Variants in CABP5 observed in about 807,000 individuals in gnomAD.
CABP5 encodes calcium-binding protein 5.
A neutral mutation model predicts 21.9 loss-of-function variants in CABP5; 17 were observed. The ratio of observed to expected loss-of-function variants is 0.78; its 90% confidence interval spans 0.53 to 1.17. CABP5 has a LOEUF of 1.17. Ranked by LOEUF, CABP5 falls within the 50% of genes most tolerant of loss-of-function variation. CABP5 has a pLI of 0.00. For missense variants in CABP5, 229 were observed against 228.9 expected (o/e 1.00, Z 0.00); for synonymous variants, 85 against 79.4 (o/e 1.07, Z -0.37).
At position 48,044,037 on chromosome 19, in the gene CABP5, G is replaced by C; in HGVS notation, c.-115C>G. 1.2e-6 allele frequency: 1 copy of C among 834,034 alleles called. No homozygotes were observed. 51.7% of individuals were successfully genotyped at this position (834,034 alleles called of 1,614,324 possible). A position where few individuals can be genotyped will look rare whatever the true frequency, so the allele number is the denominator to read the frequency against. On this transcript the variant is annotated 5_prime_UTR_variant, in exon 1 of 6. Coordinates refer to ENST00000293255, the MANE Select transcript of CABP5 (RefSeq NM_019855.5). The stretch of plus-strand genomic sequence containing the variant: ...CAGCACTCCTTTGCCACCTCTTCCT[G>C]CCTCTCTTGGCTTCTCCTTCGGTCC...
chr19:48,041,715 C>T lies in CABP5; in HGVS notation c.64-112G>A. 3.3e-6 allele frequency: 3 copies of T among 909,302 alleles called. No homozygotes were observed. The East Asian group carries it at 8.3e-5, about 25-fold the overall frequency. The allele number at this position is 909,302 out of a possible 1,614,324, so 56.3% of individuals were successfully genotyped here. A position where few individuals can be genotyped will look rare whatever the true frequency, so the allele number is the denominator to read the frequency against. On this transcript the variant is annotated intron_variant, in intron 1 of 5. Transcript: ENST00000293255. ...ACGCTCTCGTGGTTCTCTTTCCATT[C>T]TCTCTCTCCTCCTCCATCCCTCCCA...
At chr19:48,031,132 T>G (rs116267276) in intron 5 of CABP5, among the ~76,000 whole-genome samples, 28 of 152,192 alleles carry the variant, frequency 1.8e-4, no homozygotes, top group Non-Finnish European at 8.8e-5. Flanking sequence ...TAATCTTGCA[T>G]GTAAATAAAA....
intron 1 of CABP5, among the ~76,000 whole-genome samples, chr19:48,042,151 C>G (rs1967489391): frequency 6.6e-6 from 1 of 152,110 alleles, no homozygotes; most frequent in Non-Finnish European, 1.5e-5. Context: ...TCACCTGCTC[C>G]CTGGAGGTCA....
chr19:48,035,089 C>T (rs984175763), intron 4 of CABP5, among the ~76,000 whole-genome samples: 8 of 152,168 alleles, frequency 5.3e-5, no homozygotes, highest in African/African-American at 1.7e-4. Flanking sequence ...CTAACCAAAA[C>T]TTTGTACCCT....
intron 4 of CABP5, among the ~76,000 whole-genome samples, chr19:48,035,519 C>T (rs1203224745): frequency 1.3e-5 from 2 of 152,214 alleles, no homozygotes; most frequent in African/African-American, 2.4e-5. Flanking sequence ...ATCGCTTGAA[C>T]CTGGGAGGTG....
At position 48,029,798 on chromosome 19, in the gene CABP5, C is replaced by CAGAGAG. The variant is rs72005770; in HGVS notation, c.*753_*758dup. On this transcript the variant is annotated 3_prime_UTR_variant, in exon 6 of 6. Coordinates refer to ENST00000293255, the MANE Select transcript of CABP5 (RefSeq NM_019855.5). The stretch of plus-strand genomic sequence containing the variant: ...GGGAGGGGAGACAGAGACAGACAGA[C>CAGAGAG]AGAGAGAGAGAGAGAGAGAGAGAGA... Among the ~76,000 whole-genome samples the CAGAGAG allele has an allele frequency of 0.021, 2,530 of 120,162 alleles. 43 individuals are homozygous for CAGAGAG. The highest frequency in any genetic ancestry group is 0.028 in the Middle Eastern group (7 of 246). The allele number at this position is 120,162 out of a possible 152,430, so 78.8% of individuals were successfully genotyped here. A position where few individuals can be genotyped will look rare whatever the true frequency, so the allele number is the denominator to read the frequency against.
chr19:48,042,869 C>T (rs895986280), intron 1 of CABP5, among the ~76,000 whole-genome samples: 2 of 152,170 alleles, frequency 1.3e-5, no homozygotes, highest in Non-Finnish European at 2.9e-5. Context: ...CACTGCCTGG[C>T]CTTTTTTATT....
At chr19:48,041,505 CA>C (rs1165404692) in intron 2 of CABP5, 67 bp downstream of exon 2, 1 of 1,435,594 alleles carries the variant, frequency 7.0e-7, no homozygotes, top group Non-Finnish European at 9.8e-7. Flanking sequence ...CGGAAATGCA[CA>C]AAGGGACTGA....
intron 1 of CABP5, among the ~76,000 whole-genome samples, chr19:48,042,219 A>G (rs905797798): frequency 7.9e-5 from 12 of 152,192 alleles, no homozygotes; most frequent in Admixed American, 5.9e-4. Context: ...CTCCCAAGTC[A>G]GAATTCTTCA....
intron 4 of CABP5, among the ~76,000 whole-genome samples, chr19:48,035,590 T>C (rs1967398272): frequency 1.3e-5 from 2 of 152,126 alleles, no homozygotes; most frequent in Non-Finnish European, 2.9e-5. Flanking sequence ...AGAGCAAAAC[T>C]GTCTCAAAAA....
chr19:48,030,282 A>G lies in CABP5; in HGVS notation c.*275T>C. 9.4e-6 allele frequency: 4 copies of G among 426,620 alleles called. No individual in the cohort carries two copies. In the South Asian group the frequency reaches 2.4e-4, roughly 25 times the overall value. 26.4% of individuals were successfully genotyped at this position (426,620 alleles called of 1,614,324 possible). ...GTGAAGTGAAAAGATGTCAAGAATC[A>G]TTGGAATTTTTGGGGGTGGCAACTG... On this transcript the variant is annotated 3_prime_UTR_variant, in exon 6 of 6. Transcript: ENST00000293255.
At chr19:48,034,544 CTT>C (rs1209870200) in intron 4 of CABP5, among the ~76,000 whole-genome samples, 182 bp from the exon 5 acceptor site, 6 of 99,680 alleles carry the variant, frequency 6.0e-5, no homozygotes, top group African/African-American at 6.6e-5. Flanking sequence ...TTTTTTCTTT[CTT>C]TTTTTTTTTT....
At chr19:48,033,962 A>C (rs1967373992) in intron 5 of CABP5, among the ~76,000 whole-genome samples, 4 of 152,066 alleles carry the variant, frequency 2.6e-5, no homozygotes, top group Admixed American at 2.6e-4. Context: ...GGGCGTCCTG[A>C]GCATGGGAAG....
chr19:48,040,794 G>A (rs965904524), intron 2 of CABP5, 46 bp from the exon 3 acceptor site: 4 of 1,599,768 alleles, frequency 2.5e-6, no homozygotes, highest in East Asian at 2.2e-5. Flanking sequence ...GCAGTCAGTG[G>A]GGAAGAGTGG....
intron 5 of CABP5, among the ~76,000 whole-genome samples, chr19:48,031,002 G>A (rs1277405716): frequency 3.3e-5 from 5 of 152,212 alleles, no homozygotes; most frequent in Non-Finnish European, 7.4e-5. Context: ...AATAAAATTT[G>A]CTCAGAACCG....
rs575484831 is a variant in CABP5, at chr19:48,032,443, C to T, written c.496+1772G>A. 7.9e-5 allele frequency among the ~76,000 whole-genome samples: 12 copies of T among 151,316 alleles called. No homozygotes were observed. In the South Asian group the frequency reaches 2.5e-3, roughly 32 times the overall value. ...CTCCCAAGTTCAAGCAATTCTCCTG[C>T]CTCAGCCTCCCAAGTAGCTGGGACT... On this transcript the variant is annotated intron_variant, in intron 5 of 5. Transcript: ENST00000293255.
chr19:48,032,949 C>T (rs975198901), intron 5 of CABP5, among the ~76,000 whole-genome samples: 2 of 151,346 alleles, frequency 1.3e-5, no homozygotes, highest in African/African-American at 4.9e-5. Flanking sequence ...GGATTTTTGT[C>T]CATAAGCAGC....
intron 4 of CABP5, among the ~76,000 whole-genome samples, chr19:48,035,141 C>T (rs1967392651): frequency 6.6e-6 from 1 of 152,192 alleles, no homozygotes; most frequent in Non-Finnish European, 1.5e-5. Context: ...GCTCCCCAGC[C>T]TCTGCTAACC....
intron 1 of CABP5, 128 bp from the exon 2 acceptor site, chr19:48,041,731 A>C: frequency 1.3e-6 from 1 of 780,116 alleles, no homozygotes; most frequent in Non-Finnish European, 2.0e-6. Context: ...CTCCTCCTCC[A>C]TCCCTCCCAT....
Sources: allele counts gnomAD v4.1 joint callset (sites outside exome capture counted in the v4.1 genomes callset), GRCh38; gene constraint gnomAD v4.1.1; transcripts MANE v1.5; gene names NCBI Gene and HGNC (gene_info 2026-07-23, HGNC 2026-07-21).